The following TEX38 variants were observed in gnomAD, a reference collection of about 807,000 sequenced individuals.
TEX38 encodes the protein testis expressed 38, also known as testis-expressed protein 38.
In TEX38, 5 loss-of-function variants were observed where a neutral mutation model predicts 2.7. That is an observed-to-expected ratio of 1.86 (90% CI 0.97 to 3.90). TEX38 has a LOEUF of 3.90. TEX38 is among the 30% of genes most tolerant of loss of function. TEX38 has a pLI of 0.00. For synonymous variants in TEX38, 110 were observed against 103.3 expected, an observed-to-expected ratio of 1.06 and a Z score of -0.39; for missense variants, 218 against 247.9, an observed-to-expected ratio of 0.88 and a Z score of 0.81.
chr1:46,670,479 C>T (rs1183423486), upstream of TEX38, among the ~76,000 whole-genome samples: 2 of 152,072 alleles, frequency 1.3e-5, no homozygotes, highest in Non-Finnish European at 2.9e-5. Context: ...GGGATGTCAA[C>T]CAGGTATTTG....
chr1:46,671,502 A>G (rs1676581943), upstream of TEX38, among the ~76,000 whole-genome samples: 1 of 152,190 alleles, frequency 6.6e-6, no homozygotes, highest in African/African-American at 2.4e-5. Flanking sequence ...GGGCTGCCCA[A>G]TGCTGTGTGT....
Position 46,673,206 on chromosome 1 carries a change from C to T in TEX38, c.371C>T (p.Ala124Val). Residue 124 changes from alanine (A) to valine (V), a missense_variant, in exon 2 of 2, where the codon GCC becomes GTC. By Grantham distance (64) the Ala-to-Val change is moderately conservative (BLOSUM62 0). Coordinates refer to ENST00000334122, the MANE Select transcript of TEX38 (RefSeq NM_001145474.4). Reference sequence around the variant, plus strand: ...CAAGACAGCAACCCCAAGGCGGAAGCCCCTGCTCCCCTGCAACCTGCACTG... The same window carrying T: ...CAAGACAGCAACCCCAAGGCGGAAGTCCCTGCTCCCCTGCAACCTGCACTG... ...ADQDSNPKAE[A>V]PAPLQPALQL... 4 of 1,550,216 alleles carry T rather than the reference C, an allele frequency of 2.6e-6. No homozygotes were observed. The highest frequency in any genetic ancestry group is 2.0e-5 in the Admixed American group (1 of 50,954).
chr1:46,669,269 CA>C (rs1389497140), upstream of TEX38: 1 of 371,536 alleles, frequency 2.7e-6, no homozygotes, highest in Non-Finnish European at 5.4e-6. Context: ...CCTCCTGGGA[CA>C]GGGGCAGAGC....
chr1:46,671,742 C>T, upstream of TEX38: 1 of 634,316 alleles, frequency 1.6e-6, no homozygotes, highest in Non-Finnish European at 2.9e-6. Context: ...TTCCATTAAC[C>T]CAGGACCACT....
In TEX38 at chr1:46,673,420, T is replaced by C. The variant is rs767244246; in HGVS notation, c.585T>C (p.His195=). The C allele has an allele frequency of 2.2e-5, 34 of 1,551,890 alleles. No homozygotes were observed. Among genetic ancestry groups the C allele is most frequent in the Admixed American group, 7.8e-5 (4 of 51,004 alleles). ...HSLLNLAQED[H]SFNAKPFPSE... ...TCCTGAATCTGGCCCAGGAAGACCA[T>C]AGCTTCAATGCCAAGCCTTTTCCTT... is the stretch of plus-strand genomic sequence containing the variant. The change falls in exon 2 of 2, where the codon CAT becomes CAC. Residue 195 remains histidine, a synonymous_variant. Coordinates refer to ENST00000334122, the MANE Select transcript of TEX38 (RefSeq NM_001145474.4).
At chr1:46,672,815 C>G in intron 1 of TEX38, 58 bp from the exon 2 acceptor site, 12 of 1,443,780 alleles carry the variant, frequency 8.3e-6, no homozygotes, top group Non-Finnish European at 1.0e-5. Flanking sequence ...AGAAACAGCT[C>G]AGGCCCCAAG....
intron 1 of TEX38, among the ~76,000 whole-genome samples, chr1:46,672,470 C>T (rs764391224): frequency 6.6e-6 from 1 of 152,160 alleles, no homozygotes; most frequent in Non-Finnish European, 1.5e-5. Context: ...GACTTGAAGT[C>T]CTGACCTCAA....
chr1:46,670,428 T>G (rs1676566037), upstream of TEX38, among the ~76,000 whole-genome samples: 1 of 152,142 alleles, frequency 6.6e-6, no homozygotes, highest in Non-Finnish European at 1.5e-5. Context: ...AGTTTGGTTT[T>G]GGACATGTTG....
Position 46,671,967 on chromosome 1 carries a change from T to C in TEX38, c.33T>C (p.Pro11=), listed in dbSNP as rs1246817339. 3 of 1,538,042 alleles carry C rather than the reference T, an allele frequency of 2.0e-6. No individual in the cohort carries two copies. The highest frequency in any genetic ancestry group is 4.9e-5 in the East Asian group (2 of 40,668). MDSQQEDLRF[P]GMWVSLYFGI... ...CCCAACAGGAGGACCTGCGCTTCCC[T>C]GGGAGTAAGTGCTCCTCCAGTCCCT... The change falls in exon 1 of 2, where the codon CCT becomes CCC. Residue 11 remains proline (P), a synonymous_variant. Coordinates refer to ENST00000334122, the MANE Select transcript of TEX38 (RefSeq NM_001145474.4).
upstream of TEX38, among the ~76,000 whole-genome samples, chr1:46,670,675 C>T (rs535089692): frequency 6.6e-6 from 1 of 152,076 alleles, no homozygotes; most frequent in African/African-American, 2.4e-5. Context: ...AGGGAGAAAC[C>T]AGCAAAGGAG....
At chr1:46,669,699 G>GAT (rs1676555179), upstream of TEX38, among the ~76,000 whole-genome samples, 1 of 152,182 alleles carries the variant, frequency 6.6e-6, no homozygotes, top group African/African-American at 2.4e-5. Flanking sequence ...AGCAGGCCAA[G>GAT]AGAGATAGAG....
chr1:46,669,845 C>T (rs1676557440), upstream of TEX38, among the ~76,000 whole-genome samples: 1 of 152,102 alleles, frequency 6.6e-6, no homozygotes, highest in Admixed American at 6.5e-5. Flanking sequence ...GGCACAGCAG[C>T]AGAAATGAGA....
chr1:46,671,037 C>G (rs574110846), upstream of TEX38, among the ~76,000 whole-genome samples: 19 of 152,156 alleles, frequency 1.2e-4, no homozygotes, highest in African/African-American at 4.6e-4. Flanking sequence ...ATGGTGGGAT[C>G]AGATGGTGGA....
chr1:46,670,239 T>C (rs754228982), upstream of TEX38, among the ~76,000 whole-genome samples: 5 of 152,180 alleles, frequency 3.3e-5, no homozygotes, highest in Non-Finnish European at 5.9e-5. Flanking sequence ...AGATTTTGGT[T>C]ATATTTTGAA....
chr1:46,671,147 G>A (rs530991791), upstream of TEX38, among the ~76,000 whole-genome samples: 3 of 152,322 alleles, frequency 2.0e-5, no homozygotes, highest in South Asian at 4.1e-4. Context: ...CTTGAAGGAT[G>A]AGCAGGTGTT....
upstream of TEX38, chr1:46,671,738 T>TA: frequency 1.7e-6 from 1 of 599,732 alleles, no homozygotes; most frequent in Admixed American, 2.6e-5. Flanking sequence ...CTCCTTCCAT[T>TA]AACCCAGGAC....
intron 1 of TEX38, 123 bp downstream of exon 1, chr1:46,672,094 A>G (rs547104348): frequency 2.1e-6 from 2 of 934,738 alleles, no homozygotes; most frequent in Admixed American, 3.0e-5. Context: ...CTAAGCAGTT[A>G]GGAGATAGTC....
At position 46,673,419 on chromosome 1, in the gene TEX38, A is replaced by G. The variant is rs1348294218; in HGVS notation, c.584A>G (p.His195Arg). The G allele has an allele frequency of 1.3e-6, 2 of 1,551,888 alleles. No homozygotes were observed. Among genetic ancestry groups the G allele is most frequent in the South Asian group, 1.2e-5 (1 of 84,058 alleles). The change falls in exon 2 of 2, where the codon CAT becomes CGT. Residue 195 changes from histidine (H) to arginine (R), a missense_variant. Physicochemically the swap from His to Arg is conservative, Grantham distance 29. Coordinates refer to ENST00000334122, the MANE Select transcript of TEX38 (RefSeq NM_001145474.4). ...CTCCTGAATCTGGCCCAGGAAGACCATAGCTTCAATGCCAAGCCTTTTCCT... is the reference window on the plus strand; with the variant it reads ...CTCCTGAATCTGGCCCAGGAAGACCGTAGCTTCAATGCCAAGCCTTTTCCT... Reference protein sequence around the residue: ...HSLLNLAQEDHSFNAKPFPSE... With the variant: ...HSLLNLAQEDRSFNAKPFPSE...
At chr1:46,669,202 T>C (rs1569651476), upstream of TEX38, 1 of 333,942 alleles carries the variant, frequency 3.0e-6, no homozygotes, top group Non-Finnish European at 6.0e-6. Flanking sequence ...GAGTGGGCTC[T>C]CTGGGACAGT....
Sources: allele counts gnomAD v4.1 joint callset (sites outside exome capture counted in the v4.1 genomes callset), GRCh38; gene constraint gnomAD v4.1.1; transcripts MANE v1.5; gene names NCBI Gene and HGNC (gene_info 2026-07-23, HGNC 2026-07-21).